Variants in DYM observed in about 807,000 individuals in gnomAD.
DYM encodes the protein dyggve-Melchior-Clausen syndrome protein.
DYM carries 78 observed loss-of-function variants against 93.1 expected under a neutral mutation model. That is an observed-to-expected ratio of 0.84 (90% confidence interval 0.70 to 1.01). DYM has a LOEUF of 1.01. Among genes scored for constraint, DYM ranks in the 50% least tolerant of loss-of-function variants. The probability of loss-of-function intolerance (pLI) is 0.00; values close to 1 mark genes in which losing one functional copy is unlikely to be tolerated. For missense variants in DYM, 789 were observed against 845.0 expected (o/e 0.93, Z 0.82); for synonymous variants, 321 against 319.7 (o/e 1.00, Z -0.04).
chr18:49,196,210 GC>G (rs1224974451), intron 14 of DYM, among the ~76,000 whole-genome samples: 1 of 152,088 alleles, frequency 6.6e-6, no homozygotes, highest in Non-Finnish European at 1.5e-5. Flanking sequence ...ACAGGTGTGA[GC>G]CACTGCACTG....
chr18:49,334,923 T>C (rs2063552266), intron 6 of DYM, among the ~76,000 whole-genome samples: 1 of 152,134 alleles, frequency 6.6e-6, no homozygotes, highest in Non-Finnish European at 1.5e-5. Flanking sequence ...CTGGCCAACA[T>C]GGTAAAACCC....
chr18:49,296,010 C>A (rs557508330), intron 8 of DYM, among the ~76,000 whole-genome samples: 16 of 152,244 alleles, frequency 1.1e-4, no homozygotes, highest in Admixed American at 2.6e-4. Flanking sequence ...CAACTTCCAC[C>A]TCCTGGATTC....
intron 17 of DYM, among the ~76,000 whole-genome samples, chr18:49,065,540 TTA>T (rs1211510910): frequency 6.6e-6 from 1 of 152,130 alleles, no homozygotes; most frequent in South Asian, 2.1e-4. Context: ...TTTTGTATTT[TTA>T]GTAGAGACAG....
intron 15 of DYM, among the ~76,000 whole-genome samples, chr18:49,121,925 G>A (rs990486420): frequency 8.5e-5 from 13 of 152,232 alleles, no homozygotes; most frequent in African/African-American, 3.1e-4. Flanking sequence ...TATTTCTTCA[G>A]GCAGAAGAAA....
chr18:49,148,506 C>A (rs2085426500), intron 15 of DYM, among the ~76,000 whole-genome samples: 1 of 152,128 alleles, frequency 6.6e-6, no homozygotes, highest in Admixed American at 6.5e-5. Flanking sequence ...TATTCTCCTG[C>A]CTCAGCCTCC....
chr18:49,277,513 C>A (rs2094875077), intron 10 of DYM, among the ~76,000 whole-genome samples: 1 of 152,058 alleles, frequency 6.6e-6, no homozygotes, highest in Non-Finnish European at 1.5e-5. Flanking sequence ...AAACCCTAAC[C>A]CACAATGGGA....
At chr18:49,436,858 GT>G (rs1264452306) in intron 1 of DYM, among the ~76,000 whole-genome samples, 1 of 152,090 alleles carries the variant, frequency 6.6e-6, no homozygotes, top group Non-Finnish European at 1.5e-5. Context: ...ATAACAATTT[GT>G]TCTCAGTTAA....
At chr18:49,113,035 T>C (rs2145882310) in intron 16 of DYM, among the ~76,000 whole-genome samples, 1 of 152,276 alleles carries the variant, frequency 6.6e-6, no homozygotes, top group East Asian at 1.9e-4. Flanking sequence ...ATTGATGTCA[T>C]ATATTGGGAT....
chr18:49,275,703 C>A (rs2094832445), intron 10 of DYM, among the ~76,000 whole-genome samples: 2 of 151,866 alleles, frequency 1.3e-5, no homozygotes, highest in Non-Finnish European at 2.9e-5. Flanking sequence ...ATAGCAAGAC[C>A]CTATCTCTAT....
At chr18:49,329,086 A>G (rs1384311824) in intron 8 of DYM, among the ~76,000 whole-genome samples, 2 of 152,106 alleles carry the variant, frequency 1.3e-5, no homozygotes, top group Non-Finnish European at 2.9e-5. Context: ...CATATACACC[A>G]TGGAATACTC....
Position 49,332,382 on chromosome 18 carries a change from G to A in DYM, c.621-376C>T, listed in dbSNP as rs557122555. Reference sequence around the variant, plus strand: ...CTCCCAAAGTGCTGAGATTACAGGCGTGAGCCACCGTGCCCAGCCCACTTG... The same window carrying A: ...CTCCCAAAGTGCTGAGATTACAGGCATGAGCCACCGTGCCCAGCCCACTTG... On this transcript the variant is annotated intron_variant, in intron 7 of 17. Transcript: ENST00000675505. Among the ~76,000 whole-genome samples the A allele has an allele frequency of 7.9e-5, 12 of 152,268 alleles. No individual in the cohort carries two copies. The East Asian group carries it at 1.7e-3, about 22-fold the overall frequency.
At chr18:49,069,754 T>G (rs900102479) in intron 17 of DYM, among the ~76,000 whole-genome samples, 3 of 152,148 alleles carry the variant, frequency 2.0e-5, no homozygotes, top group Non-Finnish European at 1.5e-5. Flanking sequence ...ATTAAAACTG[T>G]GTATTGGGCC....
intron 17 of DYM, among the ~76,000 whole-genome samples, chr18:49,081,530 AGAGGGGAGAG>A (rs2078023495): frequency 1.8e-4 from 1 of 5,672 alleles, no homozygotes; most frequent in Non-Finnish European, 4.5e-4. Flanking sequence ...GGGAGAGGGG[AGAGGGGAGAG>A]GGGAGAGGGG....
intron 2 of DYM, among the ~76,000 whole-genome samples, chr18:49,403,067 C>G (rs1233509622): frequency 2.0e-5 from 3 of 152,152 alleles, no homozygotes; most frequent in Admixed American, 2.0e-4. Flanking sequence ...TATGAGTTCC[C>G]TAACTCCCCA....
chr18:49,297,911 AAC>A (rs1336538411), intron 8 of DYM, among the ~76,000 whole-genome samples: 2 of 152,320 alleles, frequency 1.3e-5, no homozygotes, highest in African/African-American at 2.4e-5. Context: ...ATATTAAGAA[AAC>A]ACAGTCTCCA....
chr18:49,038,936 C>A lies in DYM; in HGVS notation c.*5119G>T, dbSNP rs1316986139. Among the ~76,000 whole-genome samples, 1 of 152,124 alleles carries A rather than the reference C, an allele frequency of 6.6e-6. No individual in the cohort carries two copies. Among genetic ancestry groups the A allele is most frequent in the African/African-American group, 2.4e-5 (1 of 41,406 alleles). ...CCTTTCATTTTCATACATTTTATTTCTCTATATATTTAAAACTCCATAAGA... is the reference window on the plus strand; with the variant it reads ...CCTTTCATTTTCATACATTTTATTTATCTATATATTTAAAACTCCATAAGA... On this transcript the variant is annotated 3_prime_UTR_variant, in exon 18 of 18. Transcript: ENST00000675505.
intron 14 of DYM, among the ~76,000 whole-genome samples, chr18:49,191,763 T>C (rs190992281): frequency 6.6e-5 from 10 of 152,320 alleles, no homozygotes; most frequent in Admixed American, 4.6e-4. Context: ...CATCAAATAA[T>C]ATTAAATTTG....
chr18:49,229,277 G>A (rs974270366), intron 13 of DYM, among the ~76,000 whole-genome samples: 105 of 151,926 alleles, frequency 6.9e-4, no homozygotes, highest in African/African-American at 2.3e-3. Context: ...AAGTATCAGG[G>A]GAAAAATGAT....
At chr18:49,236,245 C>T (rs2093857608) in intron 13 of DYM, among the ~76,000 whole-genome samples, 1 of 152,134 alleles carries the variant, frequency 6.6e-6, no homozygotes, top group Admixed American at 6.5e-5. Flanking sequence ...CCTTGAGAGG[C>T]TGAGATGGGC....
Sources: gnomAD v4.1 joint callset for allele counts (sites outside exome capture counted in the v4.1 genomes callset) on GRCh38, gnomAD v4.1.1 for gene constraint, MANE v1.5 for transcripts, NCBI Gene and HGNC (gene_info 2026-07-23, HGNC 2026-07-21) for gene names.